The following SUGCT variants were observed in gnomAD, a reference collection of about 807,000 sequenced individuals.
SUGCT encodes the protein succinyl-CoA:glutarate-CoA transferase, also known as succinyl-CoA:glutarate CoA-transferase.
Under a neutral mutation model 55.0 loss-of-function variants are expected in SUGCT, and 41 were observed. The observed-to-expected ratio is 0.74, with a 90% CI of 0.58 to 0.97. SUGCT has a LOEUF of 0.97. SUGCT is among the 50% of genes least tolerant of loss of function. The pLI is 0.00. For missense variants in SUGCT, 568 were observed against 547.8 expected (o/e 1.04, Z -0.37); for synonymous variants, 187 against 200.4 (o/e 0.93, Z 0.56).
chr7:40,316,774 T>C lies in SUGCT; in HGVS notation c.735T>C (p.Ser245=). 6.3e-7 allele frequency: 1 copy of C among 1,598,492 alleles called. No individual in the cohort carries two copies. The highest frequency in any genetic ancestry group is 1.3e-5 in the African/African-American group (1 of 74,860). The change falls in exon 9 of 14, where the codon TCT becomes TCC. Residue 245 remains serine, a synonymous_variant. Coordinates refer to ENST00000335693, the MANE Select transcript of SUGCT (RefSeq NM_001193313.2). ...TTTCCTGGTAGGTGGCGTGTTTGTC[T>C]CACATAGCTGCAAATTATCTTATTG... The part of the protein sequence containing the change: ...NLLSSQVACL[S]HIAANYLIGQ...
intron 12 of SUGCT, among the ~76,000 whole-genome samples, chr7:40,703,061 CTTTTT>C (rs58887234): frequency 8.6e-6 from 1 of 115,772 alleles, no homozygotes; most frequent in African/African-American, 3.7e-5. Context: ...TTCAGCCTAG[CTTTTT>C]TTTTTTTTTT....
intron 12 of SUGCT, among the ~76,000 whole-genome samples, chr7:40,568,468 C>CTGT (rs1796265306): frequency 6.6e-6 from 1 of 152,144 alleles, no homozygotes; most frequent in East Asian, 1.9e-4. Context: ...AAAATGAAAA[C>CTGT]TGTTTGAGTG....
chr7:40,884,778 A>AGCAG, the SUGCT span, among the ~76,000 whole-genome samples: 22 of 152,312 alleles, frequency 1.4e-4, no homozygotes, highest in Non-Finnish European at 2.5e-4. Context: ...AGTATGAATG[A>AGCAG]GCAGGAGAGT....
chr7:40,333,030 C>T (rs1003933293), intron 9 of SUGCT, among the ~76,000 whole-genome samples: 7 of 151,956 alleles, frequency 4.6e-5, no homozygotes, highest in African/African-American at 1.5e-4. Context: ...ATATTAGATA[C>T]GTAAATGCTA....
chr7:40,487,327 G>A (rs761372284), intron 11 of SUGCT, among the ~76,000 whole-genome samples: 96 of 134,326 alleles, frequency 7.1e-4, no homozygotes, highest in African/African-American at 2.5e-3. Context: ...GGCTGGTCTC[G>A]AACTCCTGAC....
intron 12 of SUGCT, among the ~76,000 whole-genome samples, chr7:40,519,187 G>A (rs910571481): frequency 2.0e-5 from 3 of 152,044 alleles, no homozygotes; most frequent in African/African-American, 7.2e-5. Flanking sequence ...GTTCACAAAT[G>A]CCATCTCCAT....
chr7:40,257,219 T>C (rs752766266), intron 7 of SUGCT, among the ~76,000 whole-genome samples: 21 of 152,170 alleles, frequency 1.4e-4, no homozygotes, highest in Non-Finnish European at 2.5e-4. Context: ...AATTTTTGTA[T>C]TCTATTTTTT....
chr7:40,515,714 A>G (rs959945289), intron 12 of SUGCT, among the ~76,000 whole-genome samples: 4 of 152,110 alleles, frequency 2.6e-5, no homozygotes, highest in African/African-American at 9.7e-5. Context: ...TCAGCCATTT[A>G]TCTGTTATAG....
intron 12 of SUGCT, among the ~76,000 whole-genome samples, chr7:40,587,328 A>G (rs1483769540): frequency 3.9e-5 from 6 of 152,242 alleles, no homozygotes. Flanking sequence ...ATAAACAAAG[A>G]CAGACTTACA....
intron 9 of SUGCT, among the ~76,000 whole-genome samples, chr7:40,380,448 C>T (rs1262757573): frequency 6.6e-6 from 1 of 152,162 alleles, no homozygotes; most frequent in Non-Finnish European, 1.5e-5. Flanking sequence ...TTTACCCTGC[C>T]ATTCGTGCTG....
the SUGCT span, among the ~76,000 whole-genome samples, chr7:41,037,076 C>A: frequency 6.6e-6 from 1 of 152,166 alleles, no homozygotes; most frequent in African/African-American, 2.4e-5. Context: ...AATGGATAGA[C>A]AAATCCTGTA....
At chr7:40,809,415 A>AGT (rs1230096110) in intron 13 of SUGCT, among the ~76,000 whole-genome samples, 1 of 152,028 alleles carries the variant, frequency 6.6e-6, no homozygotes, top group Non-Finnish European at 1.5e-5. Flanking sequence ...TATATATACA[A>AGT]GTGTGTGTGT....
intron 13 of SUGCT, among the ~76,000 whole-genome samples, chr7:40,854,424 CTTT>C (rs1165563661): frequency 2.3e-4 from 26 of 114,990 alleles, no homozygotes; most frequent in African/African-American, 3.5e-4. Flanking sequence ...TCTTTCCTTT[CTTT>C]CTTTCTTTCT....
In SUGCT at chr7:40,181,970, T is replaced by G. The variant is rs776244245; in HGVS notation, c.168T>G (p.Pro56=). 38 of 1,593,936 alleles carry G rather than the reference T, an allele frequency of 2.4e-5. No individual in the cohort carries two copies. Among genetic ancestry groups the G allele is most frequent in the Non-Finnish European group, 3.3e-5 (38 of 1,166,964 alleles). Residue 56 remains proline, a synonymous_variant, in exon 3 of 14, where the codon CCT becomes CCG. Transcript: ENST00000335693. ...ILDLTRVLAG[P]FATMNLGDLG... ...AACATTGTAGAGTCCTGGCGGGACC[T>G]TTTGCTACTATGAATTTAGGAGATC...
intron 12 of SUGCT, among the ~76,000 whole-genome samples, chr7:40,558,399 A>G (rs1378329442): frequency 6.6e-6 from 1 of 152,238 alleles, no homozygotes; most frequent in African/African-American, 2.4e-5. Flanking sequence ...GATAAACAAA[A>G]CATAGTATAC....
chr7:40,989,661 C>T, the SUGCT span, among the ~76,000 whole-genome samples: 137 of 151,972 alleles, frequency 9.0e-4, no homozygotes, highest in Middle Eastern at 3.4e-3. Context: ...ATCCCAGCTA[C>T]TCCGGAGGCT....
At chr7:40,889,943 A>T in the SUGCT span, among the ~76,000 whole-genome samples, 2 of 152,046 alleles carry the variant, frequency 1.3e-5, no homozygotes, top group African/African-American at 4.8e-5. Flanking sequence ...TTATTTGGGT[A>T]TTTGTGTTTA....
At chr7:40,392,354 G>C (rs570681833) in intron 9 of SUGCT, among the ~76,000 whole-genome samples, 1 of 152,260 alleles carries the variant, frequency 6.6e-6, no homozygotes, top group South Asian at 2.1e-4. Flanking sequence ...GAAATGCACA[G>C]GCTGTCATGG....
At chr7:40,788,088 T>C (rs1790121235) in intron 13 of SUGCT, among the ~76,000 whole-genome samples, 1 of 152,184 alleles carries the variant, frequency 6.6e-6, no homozygotes, top group African/African-American at 2.4e-5. Context: ...AGAAGGTCCC[T>C]GATACCACCA....
Sources: allele counts gnomAD v4.1 joint callset (sites outside exome capture counted in the v4.1 genomes callset), GRCh38; gene constraint gnomAD v4.1.1; transcripts MANE v1.5; gene names NCBI Gene and HGNC (gene_info 2026-07-23, HGNC 2026-07-21).